TRPV4: variants seen among roughly 807,000 people sequenced by gnomAD.
TRPV4 encodes the protein OSM9-like transient receptor potential channel 4.
A neutral mutation model predicts 84.1 loss-of-function variants in TRPV4; 58 were observed. The ratio of observed to expected loss-of-function variants is 0.69; its 90% CI spans 0.56 to 0.86. The LOEUF (loss-of-function observed/expected upper bound fraction) is 0.86. Among genes scored for constraint, TRPV4 ranks in the 40% least tolerant of loss-of-function variants. The pLI is 0.00. For missense variants in TRPV4, 879 were observed against 1,181.1 expected (o/e 0.74, Z 3.75); for synonymous variants, 489 against 500.9 (o/e 0.98, Z 0.32).
Position 109,793,559 on chromosome 12 carries a change from A to C in TRPV4, c.1626T>G (p.Ser542=). The C allele has an allele frequency of 2.5e-6, 4 of 1,614,142 alleles. No homozygotes were observed. Among genetic ancestry groups the C allele is most frequent in the Non-Finnish European group, 3.4e-6 (4 of 1,180,018 alleles). The change falls in exon 10 of 16, where the codon TCT becomes TCG. Residue 542 remains serine (S), a synonymous_variant. Coordinates refer to ENST00000261740, the MANE Select transcript of TRPV4 (RefSeq NM_021625.5). This position sits in a 1 kb window ranked among gnomAD's most constrained non-coding sequence, Gnocchi z 4.0. ...LFMKKCPGVN[S]LFIDGSFQLL... is the part of the protein sequence containing the mutation. ...GCTGGAAGGAGCCATCAATGAAGAG[A>C]GAATTCACTCCAGGGCATTTCTTCA...
In TRPV4 at chr12:109,815,455, A is replaced by G. The variant is rs1891801615; in HGVS notation, c.-31-628T>C. On this transcript the variant is annotated intron_variant, in intron 1 of 15. Transcript: ENST00000261740. The surrounding 1 kb of genome is among the most constrained non-coding windows in gnomAD (Gnocchi z 4.1). Reference sequence around the variant, plus strand: ...TCCTCATCAAACACTGTCATGATGAACCCATTTTACAGAACAGGAAACTGA... The same window carrying G: ...TCCTCATCAAACACTGTCATGATGAGCCCATTTTACAGAACAGGAAACTGA... Among the ~76,000 whole-genome samples the G allele has an allele frequency of 6.6e-6, 1 of 152,222 alleles. No homozygotes were observed. Among genetic ancestry groups the G allele is most frequent in the African/African-American group, 2.4e-5 (1 of 41,452 alleles).
intron 3 of TRPV4, among the ~76,000 whole-genome samples, chr12:109,806,144 G>A (rs545178044): frequency 3.9e-5 from 6 of 152,264 alleles, no homozygotes; most frequent in East Asian, 1.9e-4. Context: ...ACGAGGCCAC[G>A]TCGCGTGGCC....
At chr12:109,818,941 A>C (rs1256550731) in intron 1 of TRPV4, among the ~76,000 whole-genome samples, 1 of 152,168 alleles carries the variant, frequency 6.6e-6, no homozygotes, top group East Asian at 1.9e-4. Context: ...AGCTAAGGAA[A>C]CGGAGGCTCT....
chr12:109,816,006 G>T (rs1336962549), intron 1 of TRPV4, among the ~76,000 whole-genome samples: 1 of 152,224 alleles, frequency 6.6e-6, no homozygotes, highest in Non-Finnish European at 1.5e-5. Flanking sequence ...GGCACCAAGG[G>T]TGAGTTTCCT....
chr12:109,809,074 T>A (rs1321806897), intron 2 of TRPV4, among the ~76,000 whole-genome samples: 2 of 104,118 alleles, frequency 1.9e-5, no homozygotes, highest in Non-Finnish European at 3.9e-5. Flanking sequence ...TCCATCCATC[T>A]GCCCACTCAT....
intron 12 of TRPV4, 31 bp from the exon 13 acceptor site, chr12:109,788,747 G>T: frequency 1.2e-6 from 2 of 1,610,998 alleles, no homozygotes; most frequent in South Asian, 2.2e-5. Flanking sequence ...CACTCACTGA[G>T]TGTGAGCACA....
intron 5 of TRPV4, 137 bp from the exon 6 acceptor site, chr12:109,799,049 C>T (rs1890610552): frequency 3.6e-6 from 3 of 839,226 alleles, no homozygotes; most frequent in Non-Finnish European, 5.5e-6. Context: ...ATATGAACTG[C>T]ACGTTTCTCT....
intron 1 of TRPV4, among the ~76,000 whole-genome samples, chr12:109,827,030 A>C (rs1361807371): frequency 2.6e-5 from 4 of 152,162 alleles, no homozygotes; most frequent in Non-Finnish European, 5.9e-5. Flanking sequence ...TGGATGAATG[A>C]ATGAATGAAT....
chr12:109,803,253 C>T, intron 3 of TRPV4, 110 bp from the exon 4 acceptor site: 5 of 1,286,754 alleles, frequency 3.9e-6, no homozygotes, highest in Non-Finnish European at 5.5e-6. Context: ...TGGCTGTCAA[C>T]ATCTCCTCTC....
chr12:109,826,792 G>A (rs1228886135), intron 1 of TRPV4, among the ~76,000 whole-genome samples: 3 of 152,154 alleles, frequency 2.0e-5, no homozygotes, highest in Non-Finnish European at 2.9e-5. Context: ...TGACCTCTCC[G>A]AGCTTCAGTT....
At chr12:109,826,251 C>T (rs983153975) in intron 1 of TRPV4, among the ~76,000 whole-genome samples, 4 of 151,524 alleles carry the variant, frequency 2.6e-5, no homozygotes, top group African/African-American at 7.3e-5. Context: ...CTCCAATGCC[C>T]GGGCTCACGT....
chr12:109,788,735 G>T lies in TRPV4; in HGVS notation c.1892-19C>A. The T allele has an allele frequency of 6.2e-7, 1 of 1,613,742 alleles. No individual in the cohort carries two copies. Among genetic ancestry groups the T allele is most frequent in the South Asian group, 1.1e-5 (1 of 91,080 alleles). On this transcript the variant is annotated intron_variant, in intron 12 of 15. Coordinates refer to ENST00000261740, the MANE Select transcript of TRPV4 (RefSeq NM_021625.5). ...ACCAGGGCTGTGGGAGGATAGGGGTGGCACTCACTGAGTGTGAGCACACCC... is the reference window on the plus strand; with the variant it reads ...ACCAGGGCTGTGGGAGGATAGGGGTTGCACTCACTGAGTGTGAGCACACCC...
chr12:109,829,476 C>A (rs1016053367), intron 1 of TRPV4, among the ~76,000 whole-genome samples: 1 of 152,222 alleles, frequency 6.6e-6, no homozygotes, highest in Non-Finnish European at 1.5e-5. Flanking sequence ...GAAAACATAT[C>A]ATTATTTGCC....
At chr12:109,812,609 A>T (rs1891588863) in intron 2 of TRPV4, among the ~76,000 whole-genome samples, 1 of 152,226 alleles carries the variant, frequency 6.6e-6, no homozygotes, top group African/African-American at 2.4e-5. Context: ...ATGGACAGAG[A>T]TCTGGGTGAA....
intron 1 of TRPV4, among the ~76,000 whole-genome samples, chr12:109,827,895 T>G (rs112985014): frequency 0.016 from 2,347 of 150,810 alleles, 56 homozygotes; most frequent in African/African-American, 0.054. Flanking sequence ...CAGACACACA[T>G]ACGCACATAC....
chr12:109,819,248 C>T (rs966823870), intron 1 of TRPV4, among the ~76,000 whole-genome samples: 1 of 152,150 alleles, frequency 6.6e-6, no homozygotes, highest in African/African-American at 2.4e-5. Flanking sequence ...GGAGGGAAGT[C>T]GGGGATGCAG....
At chr12:109,801,635 A>G (rs1767415281) in intron 4 of TRPV4, among the ~76,000 whole-genome samples, 1 of 152,128 alleles carries the variant, frequency 6.6e-6, no homozygotes, top group South Asian at 2.1e-4. Flanking sequence ...AGAACGGGCT[A>G]ATACAACAAC....
At chr12:109,794,620 T>C in intron 7 of TRPV4, 133 bp from the exon 8 acceptor site, 1 of 928,858 alleles carries the variant, frequency 1.1e-6, no homozygotes, top group Non-Finnish European at 1.7e-6. Context: ...CTCAGCTGCA[T>C]TCACGGATTC....
chr12:109,822,592 C>T (rs1892137789), intron 1 of TRPV4, among the ~76,000 whole-genome samples: 1 of 152,174 alleles, frequency 6.6e-6, no homozygotes, highest in Non-Finnish European at 1.5e-5. Context: ...AGAACCCATG[C>T]ATCCCCGGGA....
Sources: gnomAD v4.1 joint callset for allele counts (sites outside exome capture counted in the v4.1 genomes callset) on GRCh38, gnomAD v4.1.1 for gene constraint, Gnocchi (gnomAD v3.1) non-coding constraint, MANE v1.5 for transcripts, NCBI Gene and HGNC (gene_info 2026-07-23, HGNC 2026-07-21) for gene names.